Variants in FARP2 observed in about 807,000 individuals in gnomAD.
FARP2 encodes the protein FERM, ARH/RhoGEF and pleckstrin domain protein 2.
In FARP2, 111 loss-of-function variants were observed where a neutral mutation model predicts 130.5. The ratio of observed to expected loss-of-function variants is 0.85; its 90% confidence interval spans 0.73 to 1.00. The LOEUF (loss-of-function observed/expected upper bound fraction) is 1.00. FARP2 is among the 50% of genes least tolerant of loss of function. The pLI, the probability that FARP2 is intolerant of heterozygous loss-of-function variation, is 0.00. For missense variants in FARP2, 1,385 were observed against 1,346.3 expected, an observed-to-expected ratio of 1.03 and a Z score of -0.45; for synonymous variants, 504 against 516.9, an observed-to-expected ratio of 0.98 and a Z score of 0.34.
At position 241,413,369 on chromosome 2, in the gene FARP2, C is replaced by G. The variant is rs375137475; in HGVS notation, c.571C>G (p.Pro191Ala). ...GCACCTCAAAGTGAACGAGTATTTG[C>G]CTGGCCAGCAGCACTGCCTTGAGAA... is the stretch of plus-strand genomic sequence containing the variant. ...REHLKVNEYL[P>A]GQQHCLEKIL... Residue 191 changes from proline to alanine, a missense_variant, in exon 7 of 27, where the codon CCT becomes GCT. Transcript: ENST00000264042. 4 of 1,612,430 alleles carry G rather than the reference C, an allele frequency of 2.5e-6. No homozygotes were observed. In the African/African-American group the frequency reaches 5.3e-5, roughly 22 times the overall value.
intron 2 of FARP2, among the ~76,000 whole-genome samples, chr2:241,385,348 G>A (rs4675963): frequency 0.17 from 26,300 of 151,880 alleles, 2,678 homozygotes; most frequent in Admixed American, 0.35. Context: ...GTTGTATATT[G>A]TATGTTTTCT....
intron 7 of FARP2, among the ~76,000 whole-genome samples, chr2:241,417,473 C>T (rs1282890627): frequency 6.6e-6 from 1 of 152,134 alleles, no homozygotes; most frequent in African/African-American, 2.4e-5. Flanking sequence ...GCAACCTCCG[C>T]CACCACGCCT....
At chr2:241,417,295 C>CAA (rs1162509119) in intron 7 of FARP2, among the ~76,000 whole-genome samples, 2 of 135,986 alleles carry the variant, frequency 1.5e-5, no homozygotes, top group Admixed American at 7.4e-5. Flanking sequence ...GAGACTCCAT[C>CAA]AAAAAAAAAA....
At chr2:241,415,076 G>A (rs976694427) in intron 7 of FARP2, among the ~76,000 whole-genome samples, 9 of 152,132 alleles carry the variant, frequency 5.9e-5, no homozygotes, top group African/African-American at 9.7e-5. Context: ...TTGTACATAC[G>A]GTCAGACCAT....
rs966850779 is a variant in FARP2, at chr2:241,456,784, C to T, written c.1449C>T (p.Ser483=). 4.3e-6 allele frequency: 7 copies of T among 1,614,056 alleles called. No individual in the cohort carries two copies. The African/African-American group carries it at 9.3e-5, about 22-fold the overall frequency. The change falls in exon 14 of 27, where the codon AGC becomes AGT. Residue 483 remains serine, a synonymous_variant. Coordinates refer to ENST00000264042, the MANE Select transcript of FARP2 (RefSeq NM_014808.4). ...AGAGTCCTCAGCCTTCTCCCTCCAG[C>T]CGGAAGAGCCCCCTGAGTCTGAGCC... ...STKSPQPSPS[S]RKSPLSLSPA...
intron 2 of FARP2, among the ~76,000 whole-genome samples, chr2:241,394,238 G>T (rs1559727236): frequency 6.6e-6 from 1 of 152,212 alleles, no homozygotes; most frequent in Non-Finnish European, 1.5e-5. Context: ...GGACATGTGG[G>T]CCAGGTGCTT....
At chr2:241,362,637 A>G (rs1420850301) in intron 1 of FARP2, among the ~76,000 whole-genome samples, 2 of 152,090 alleles carry the variant, frequency 1.3e-5, no homozygotes, top group Non-Finnish European at 1.5e-5. Flanking sequence ...TAATTGAACT[A>G]TTTTTGAAAG....
At chr2:241,439,865 G>A (rs945034241) in intron 12 of FARP2, among the ~76,000 whole-genome samples, 8 of 152,110 alleles carry the variant, frequency 5.3e-5, no homozygotes, top group Non-Finnish European at 1.2e-4. Context: ...GGCTGAGACC[G>A]GAGAATTGCT....
chr2:241,483,325 A>T (rs2064670944), intron 19 of FARP2, 140 bp from the exon 20 acceptor site: 1 of 697,964 alleles, frequency 1.4e-6, no homozygotes, highest in Non-Finnish European at 2.6e-6. Flanking sequence ...CCCCATTGGG[A>T]GGCTCCACTA....
At chr2:241,407,081 T>A (rs1373516963) in intron 4 of FARP2, among the ~76,000 whole-genome samples, 1 of 152,342 alleles carries the variant, frequency 6.6e-6, no homozygotes, top group South Asian at 2.1e-4. Context: ...GTGCTGGGAT[T>A]ACAGGCGTGA....
intron 6 of FARP2, among the ~76,000 whole-genome samples, chr2:241,411,463 C>A (rs2062516159): frequency 6.6e-6 from 1 of 152,216 alleles, no homozygotes. Flanking sequence ...AAACTCTGAG[C>A]AAACCCTGGA....
At chr2:241,434,132 A>T in intron 9 of FARP2, 26 bp from the exon 10 acceptor site, 1 of 1,558,898 alleles carries the variant, frequency 6.4e-7, no homozygotes, top group Non-Finnish European at 8.7e-7. Flanking sequence ...TTCTTGAATT[A>T]ATTAACCTTT....
At chr2:241,416,247 T>A (rs574750542) in intron 7 of FARP2, among the ~76,000 whole-genome samples, 1 of 152,064 alleles carries the variant, frequency 6.6e-6, no homozygotes, top group Non-Finnish European at 1.5e-5. Context: ...CATGTGCACA[T>A]GTATCCGCTA....
chr2:241,435,896 A>C (rs1041908060), intron 11 of FARP2, among the ~76,000 whole-genome samples: 3 of 148,102 alleles, frequency 2.0e-5, no homozygotes, highest in Non-Finnish European at 4.5e-5. Flanking sequence ...ATATTTTTAC[A>C]TAGTATAGTA....
intron 1 of FARP2, among the ~76,000 whole-genome samples, chr2:241,357,053 G>C (rs2061085344): frequency 2.6e-5 from 4 of 152,210 alleles, no homozygotes; most frequent in African/African-American, 9.7e-5. Flanking sequence ...CACCTTTTCC[G>C]TTTACGCTAT....
intron 6 of FARP2, among the ~76,000 whole-genome samples, chr2:241,413,086 G>A (rs1230285832): frequency 6.6e-6 from 1 of 152,062 alleles, no homozygotes; most frequent in Non-Finnish European, 1.5e-5. Context: ...TTACTAATCA[G>A]GCCTTTGTTC....
At chr2:241,382,595 T>G (rs2061688875) in intron 2 of FARP2, among the ~76,000 whole-genome samples, 1 of 152,240 alleles carries the variant, frequency 6.6e-6, no homozygotes. Context: ...TACAAAATCT[T>G]TATACACATT....
intron 12 of FARP2, among the ~76,000 whole-genome samples, chr2:241,439,418 C>T (rs1294888969): frequency 6.6e-6 from 1 of 152,044 alleles, no homozygotes; most frequent in Non-Finnish European, 1.5e-5. Context: ...CAACCTCCAC[C>T]TCCCGGGTTC....
chr2:241,393,266 C>T (rs1420480597), intron 2 of FARP2, among the ~76,000 whole-genome samples: 1 of 152,068 alleles, frequency 6.6e-6, no homozygotes, highest in Non-Finnish European at 1.5e-5. Context: ...GTGATCCACC[C>T]GCCTCGGTCT....
Sources: gnomAD v4.1 joint callset for allele counts (sites outside exome capture counted in the v4.1 genomes callset) on GRCh38, gnomAD v4.1.1 for gene constraint, MANE v1.5 for transcripts, NCBI Gene and HGNC (gene_info 2026-07-23, HGNC 2026-07-21) for gene names.